CC2D2B: variants seen among roughly 807,000 people sequenced by gnomAD.
CC2D2B encodes the protein protein CC2D2B.
CC2D2B carries 128 observed loss-of-function variants against 161.2 expected under a neutral mutation model. The ratio of observed to expected loss-of-function variants is 0.79; its 90% CI spans 0.69 to 0.92. CC2D2B has a LOEUF of 0.92. Ranked by LOEUF, CC2D2B falls within the 40% of genes least tolerant of loss-of-function variation. The pLI, the probability that CC2D2B is intolerant of heterozygous loss-of-function variation, is 0.00. For missense variants in CC2D2B, 1,173 were observed against 1,375.1 expected (o/e 0.85, Z 2.32); for synonymous variants, 391 against 449.8 (o/e 0.87, Z 1.65).
At chr10:96,022,560 C>G (rs1294587717) in intron 32 of CC2D2B, 1 of 152,170 alleles carries the variant, frequency 6.6e-6, no homozygotes, top group Non-Finnish European at 1.5e-5. Flanking sequence ...TTGCCCATCC[C>G]AAAGCTGTGA....
chr10:96,029,308 ATATC>A (rs1275179810), intron 34 of CC2D2B, among the ~76,000 whole-genome samples: 2 of 117,442 alleles, frequency 1.7e-5, no homozygotes, highest in Non-Finnish European at 3.6e-5. Context: ...ATATATATGT[ATATC>A]TATATATGTA....
intron 11 of CC2D2B, among the ~76,000 whole-genome samples, chr10:95,958,330 A>T (rs766392185): frequency 3.7e-4 from 57 of 152,096 alleles, no homozygotes; most frequent in Non-Finnish European, 6.2e-4. Context: ...CAACTGTACT[A>T]AAAATACAAA....
intron 14 of CC2D2B, among the ~76,000 whole-genome samples, chr10:95,968,319 T>C (rs2077013314): frequency 6.6e-6 from 1 of 152,182 alleles, no homozygotes; most frequent in South Asian, 2.1e-4. Flanking sequence ...ATATAGTCTA[T>C]GTGTGTGTCT....
At chr10:95,942,034 A>C (rs2076041454) in intron 9 of CC2D2B, among the ~76,000 whole-genome samples, 1 of 152,168 alleles carries the variant, frequency 6.6e-6, no homozygotes, top group Non-Finnish European at 1.5e-5. Flanking sequence ...GTGAAGCTTG[A>C]AGATGTTATA....
chr10:95,956,926 C>G lies in CC2D2B; in HGVS notation c.1109+1435C>G, dbSNP rs1729643144. 2.0e-5 allele frequency among the ~76,000 whole-genome samples: 3 copies of G among 152,090 alleles called. No individual in the cohort carries two copies. The South Asian group carries it at 6.2e-4, about 32-fold the overall frequency. On this transcript the variant is annotated intron_variant, in intron 11 of 34. Transcript: ENST00000646931. ...TGGCTTTTTAAAAAATGTTTTAAAT[C>G]TGAGATTGGTTAATCTATAGATGCA...
intron 16 of CC2D2B, among the ~76,000 whole-genome samples, chr10:95,973,322 T>G (rs189289532): frequency 3.0e-4 from 45 of 152,216 alleles, no homozygotes; most frequent in Admixed American, 3.9e-4. Context: ...CTTTGGAGAT[T>G]AGATGCAGAA....
intron 17 of CC2D2B, among the ~76,000 whole-genome samples, chr10:95,975,266 G>T (rs1564632302): frequency 6.6e-6 from 1 of 152,108 alleles, no homozygotes; most frequent in Non-Finnish European, 1.5e-5. Context: ...AAAGAACAGG[G>T]AGAACATTAT....
intron 9 of CC2D2B, among the ~76,000 whole-genome samples, chr10:95,949,652 TATAATAAAAAAAAAAATTAAAA>T (rs1447324393): frequency 3.1e-5 from 3 of 97,240 alleles, no homozygotes; most frequent in African/African-American, 1.4e-4. Context: ...AAACTTAGAG[TATAATAAAAAAAAAAATTAAAA>T]AAAAAAATAG....
intron 9 of CC2D2B, among the ~76,000 whole-genome samples, chr10:95,944,343 A>G (rs951694744): frequency 2.6e-5 from 4 of 152,224 alleles, no homozygotes; most frequent in African/African-American, 9.6e-5. Flanking sequence ...AAACATTACA[A>G]TATCTTCATG....
At chr10:95,934,446 AAAAC>A (rs1554830779) in intron 6 of CC2D2B, among the ~76,000 whole-genome samples, 77 of 149,976 alleles carry the variant, frequency 5.1e-4, no homozygotes, top group South Asian at 2.1e-3. Flanking sequence ...TGAAAAAAAA[AAAAC>A]AAACAAACAA....
At position 96,012,768 on chromosome 10, in the gene CC2D2B, A is replaced by ATTT. The variant is rs2079045667; in HGVS notation, c.3426+39_3426+40insTTT. ...ATTTTTAACATCTTCATTGTGATTA[A>ATTT]AGGGCATCTGTGAAGAATCACTTTT... On this transcript the variant is annotated intron_variant, in intron 28 of 34. Coordinates refer to ENST00000646931, the MANE Select transcript of CC2D2B (RefSeq NM_001349008.3). 3 of 1,248,694 alleles carry ATTT rather than the reference A, an allele frequency of 2.4e-6. No individual in the cohort carries two copies. In the African/African-American group the frequency reaches 4.5e-5, roughly 19 times the overall value. 77.4% of individuals were successfully genotyped at this position (1,248,694 alleles called of 1,614,324 possible).
chr10:96,030,151 G>A (rs1053523529), intron 34 of CC2D2B, among the ~76,000 whole-genome samples: 2 of 151,914 alleles, frequency 1.3e-5, no homozygotes, highest in Admixed American at 1.3e-4. Flanking sequence ...TCAATTTGTG[G>A]TTGGTTGAAT....
chr10:95,908,594 T>C (rs1341597018), intron 1 of CC2D2B, among the ~76,000 whole-genome samples: 1 of 152,030 alleles, frequency 6.6e-6, no homozygotes, highest in Non-Finnish European at 1.5e-5. Context: ...CATCCAGCTA[T>C]AGTTGAGGGG....
chr10:96,025,170 T>TAAAAAAAAAAAAAAAA (rs1564683762), intron 33 of CC2D2B, among the ~76,000 whole-genome samples: 3 of 19,326 alleles, frequency 1.6e-4, no homozygotes, highest in African/African-American at 6.3e-4. Context: ...TATATATATA[T>TAAAAAAAAAAAAAAAA]ATATATATAT....
In CC2D2B at chr10:95,968,920, C is replaced by T. The variant is rs1404081956; in HGVS notation, c.1644+19C>T. 3 of 1,197,152 alleles carry T rather than the reference C, an allele frequency of 2.5e-6. No homozygotes were observed. The highest frequency in any genetic ancestry group is 4.2e-5 in the Admixed American group (1 of 23,646). 74.2% of individuals were successfully genotyped at this position (1,197,152 alleles called of 1,614,324 possible). ...TTTGGAGGTATGCCATTGTCATTTA[C>T]TTTTGTATCTTATTTTATGCCATAC... On this transcript the variant is annotated intron_variant, in intron 15 of 34. Transcript: ENST00000646931.
At chr10:96,021,876 G>C (rs1438766849) in intron 32 of CC2D2B, among the ~76,000 whole-genome samples, 1 of 152,206 alleles carries the variant, frequency 6.6e-6, no homozygotes, top group Non-Finnish European at 1.5e-5. Context: ...GCAAAGATCA[G>C]ATGTAGCTAG....
intron 12 of CC2D2B, 130 bp from the exon 13 acceptor site, chr10:95,965,766 T>G (rs1432829808): frequency 5.3e-6 from 2 of 379,790 alleles, no homozygotes; most frequent in Non-Finnish European, 9.3e-6. Context: ...AATGTAAAAT[T>G]ACTTGTAAGA....
intron 32 of CC2D2B, among the ~76,000 whole-genome samples, chr10:96,022,056 G>A (rs748269394): frequency 3.4e-4 from 51 of 152,174 alleles, no homozygotes; most frequent in Non-Finnish European, 5.6e-4. Flanking sequence ...GGTGGCTCAC[G>A]CCTGTAATCC....
chr10:95,988,573 A>T (rs897083626), intron 20 of CC2D2B, among the ~76,000 whole-genome samples: 9 of 152,252 alleles, frequency 5.9e-5, no homozygotes, highest in Admixed American at 5.9e-4. Context: ...TTTCTGTTTA[A>T]ACATACATTT....
Sources: gnomAD v4.1 joint callset for allele counts (sites outside exome capture counted in the v4.1 genomes callset) on GRCh38, gnomAD v4.1.1 for gene constraint, MANE v1.5 for transcripts, NCBI Gene and HGNC (gene_info 2026-07-23, HGNC 2026-07-21) for gene names.